Variants in GRIP1 observed in about 807,000 individuals in gnomAD.
GRIP1 encodes glutamate receptor-interacting protein 1.
A neutral mutation model predicts 129.9 loss-of-function variants in GRIP1; 45 were observed. The observed-to-expected ratio is 0.35, with a 90% confidence interval of 0.27 to 0.44. The LOEUF is 0.44. Ranked by LOEUF, GRIP1 falls within the 20% of genes least tolerant of loss-of-function variation. The probability of loss-of-function intolerance (pLI) is 1.00; values close to 1 mark genes in which losing one functional copy is unlikely to be tolerated. For missense variants in GRIP1, 1,196 were observed against 1,396.8 expected, an observed-to-expected ratio of 0.86 and a Z score of 2.29; for synonymous variants, 530 against 520.8, an observed-to-expected ratio of 1.02 and a Z score of -0.24.
At chr12:66,413,285 T>C (rs2057467221) in intron 15 of GRIP1, among the ~76,000 whole-genome samples, 1 of 152,058 alleles carries the variant, frequency 6.6e-6, no homozygotes, top group Non-Finnish European at 1.5e-5. Context: ...CAAATTAAAC[T>C]CAAGATTAAG....
intron 1 of GRIP1, among the ~76,000 whole-genome samples, chr12:66,811,927 A>C (rs1208253559): frequency 6.6e-6 from 1 of 152,070 alleles, no homozygotes; most frequent in Non-Finnish European, 1.5e-5. Context: ...CTCTAAATGC[A>C]TTGCCATGTG....
intron 1 of GRIP1, among the ~76,000 whole-genome samples, chr12:66,955,877 A>G (rs960861312): frequency 7.2e-5 from 11 of 152,164 alleles, no homozygotes; most frequent in Non-Finnish European, 1.3e-4. Flanking sequence ...AAAGCATATT[A>G]CCTGTTTTAT....
At chr12:66,611,093 G>T (rs1373446394) in intron 1 of GRIP1, among the ~76,000 whole-genome samples, 1 of 152,120 alleles carries the variant, frequency 6.6e-6, no homozygotes, top group African/African-American at 2.4e-5. Flanking sequence ...TACAATAAGG[G>T]TCAGATGTTT....
At chr12:66,831,427 G>T (rs1243950597) in intron 1 of GRIP1, among the ~76,000 whole-genome samples, 1 of 152,158 alleles carries the variant, frequency 6.6e-6, no homozygotes, top group Non-Finnish European at 1.5e-5. Flanking sequence ...TTTGACTCTT[G>T]TCAGCCCAAG....
chr12:66,392,191 C>G, intron 19 of GRIP1, 117 bp downstream of exon 19: 1 of 704,394 alleles, frequency 1.4e-6, no homozygotes. Context: ...ATTATGGCTG[C>G]ACCAAAGCAG....
At chr12:66,585,427 T>G (rs1260456259) in intron 2 of GRIP1, among the ~76,000 whole-genome samples, 1 of 136,126 alleles carries the variant, frequency 7.3e-6, no homozygotes, top group African/African-American at 2.7e-5. Context: ...ACAAAGGACA[T>G]GAACTCATCA....
intron 1 of GRIP1, among the ~76,000 whole-genome samples, chr12:66,858,347 C>T (rs1417435445): frequency 6.6e-6 from 1 of 151,922 alleles, no homozygotes; most frequent in Non-Finnish European, 1.5e-5. Flanking sequence ...CCATAGGTTT[C>T]ATAACTCAGT....
intron 11 of GRIP1, among the ~76,000 whole-genome samples, chr12:66,449,522 G>A (rs970970518): frequency 6.6e-6 from 1 of 152,144 alleles, no homozygotes; most frequent in Non-Finnish European, 1.5e-5. Context: ...AGCCTGCAGT[G>A]GGGGGTGAAG....
chr12:66,626,151 C>A (rs2030000150), intron 1 of GRIP1, among the ~76,000 whole-genome samples: 1 of 151,946 alleles, frequency 6.6e-6, no homozygotes, highest in South Asian at 2.1e-4. Context: ...TTGGTGAAAC[C>A]CCCATCTCTA....
intron 1 of GRIP1, among the ~76,000 whole-genome samples, chr12:66,643,129 A>T (rs1233378992): frequency 4.6e-5 from 7 of 152,326 alleles, no homozygotes; most frequent in Non-Finnish European, 8.8e-5. Context: ...ATTATGGGGA[A>T]ATAAGGACCC....
At chr12:66,399,828 A>G (rs2056921235) in intron 16 of GRIP1, among the ~76,000 whole-genome samples, 1 of 151,908 alleles carries the variant, frequency 6.6e-6, no homozygotes, top group Non-Finnish European at 1.5e-5. Context: ...GTTCACTTCA[A>G]CTAAAAGTGA....
At chr12:66,446,654 A>G (rs1216236963) in intron 11 of GRIP1, among the ~76,000 whole-genome samples, 1 of 152,130 alleles carries the variant, frequency 6.6e-6, no homozygotes, top group African/African-American at 2.4e-5. Context: ...TCATGACTTC[A>G]GGACTTGCCT....
In GRIP1 at chr12:66,634,712, A is replaced by G. The variant is rs573808887; in HGVS notation, c.56-37785T>C. Among the ~76,000 whole-genome samples, 18 of 152,350 alleles carry G rather than the reference A, an allele frequency of 1.2e-4. No individual in the cohort carries two copies. The South Asian group carries it at 3.5e-3, about 30-fold the overall frequency. On this transcript the variant is annotated intron_variant, in intron 1 of 24. Transcript: ENST00000359742. ...AAATGTTTCAAGGCAAAGAAGTCAT[A>G]TAGATTATCTAATTCAATCCACACA...
chr12:67,069,329 CGGCCGGGCCG>C (rs1164300802), upstream of GRIP1, among the ~76,000 whole-genome samples: 746 of 110,162 alleles, frequency 6.8e-3, 3 homozygotes, highest in African/African-American at 0.022. Context: ...GCGGCGGCGG[CGGCCGGGCCG>C]GGCCGGGCCG....
chr12:66,728,981 C>G (rs892301047), intron 1 of GRIP1, among the ~76,000 whole-genome samples: 5 of 151,872 alleles, frequency 3.3e-5, no homozygotes, highest in African/African-American at 1.2e-4. Flanking sequence ...CCCAAACATC[C>G]AATCACTCAA....
intron 1 of GRIP1, among the ~76,000 whole-genome samples, chr12:66,677,400 C>T (rs1181205612): frequency 1.3e-5 from 2 of 152,128 alleles, no homozygotes; most frequent in African/African-American, 4.8e-5. Context: ...CCATCAACTT[C>T]TCAACATCAA....
chr12:66,955,501 TTGG>T (rs1443845414), intron 1 of GRIP1, among the ~76,000 whole-genome samples: 3 of 133,222 alleles, frequency 2.3e-5, no homozygotes, highest in Non-Finnish European at 4.6e-5. Flanking sequence ...TATTACTTTT[TTGG>T]TTTTTTTTTT....
chr12:66,416,801 GGCTTCACT>G (rs1238245599), intron 15 of GRIP1, among the ~76,000 whole-genome samples: 2 of 152,018 alleles, frequency 1.3e-5, no homozygotes, highest in African/African-American at 4.8e-5. Flanking sequence ...GGGACCCAAA[GGCTTCACT>G]GCTGAATTCT....
At chr12:66,903,864 C>A (rs1192526056) in intron 1 of GRIP1, among the ~76,000 whole-genome samples, 1 of 152,134 alleles carries the variant, frequency 6.6e-6, no homozygotes, top group African/African-American at 2.4e-5. Context: ...TGGACTGCTG[C>A]CTTCTGATGG....
Sources: allele counts gnomAD v4.1 joint callset (sites outside exome capture counted in the v4.1 genomes callset), GRCh38; gene constraint gnomAD v4.1.1; transcripts MANE v1.5; gene names NCBI Gene and HGNC (gene_info 2026-07-23, HGNC 2026-07-21).